Variants in TMEM181 observed in about 807,000 individuals in gnomAD.
TMEM181 encodes the protein G protein-coupled receptor 178.
In TMEM181, 39 loss-of-function variants were observed where a neutral mutation model predicts 71.9. That is an observed-to-expected ratio of 0.54 (90% CI 0.42 to 0.71). The LOEUF is 0.71. Ranked by LOEUF, TMEM181 falls within the 30% of genes least tolerant of loss-of-function variation. TMEM181 has a pLI of 0.00. For missense variants in TMEM181, 595 were observed against 583.0 expected, an observed-to-expected ratio of 1.02 and a Z score of -0.21; for synonymous variants, 245 against 228.8, an observed-to-expected ratio of 1.07 and a Z score of -0.64.
At chr6:158,537,686 C>T (rs1471608128) in intron 1 of TMEM181, among the ~76,000 whole-genome samples, 2 of 152,222 alleles carry the variant, frequency 1.3e-5, no homozygotes, top group African/African-American at 2.4e-5. Context: ...CCTTCCCCAT[C>T]TGTTAAATGG....
At chr6:158,627,157 C>T (rs16900887) in intron 13 of TMEM181, among the ~76,000 whole-genome samples, 2,714 of 151,600 alleles carry the variant, frequency 0.018, 55 homozygotes, top group East Asian at 0.094. Context: ...CCCTCACTGT[C>T]ACACATCCTC....
intron 3 of TMEM181, among the ~76,000 whole-genome samples, chr6:158,583,717 G>T (rs1010028184): frequency 6.6e-6 from 1 of 151,872 alleles, no homozygotes; most frequent in East Asian, 1.9e-4. Context: ...GGAGAATGGC[G>T]TGAACCCAGG....
chr6:158,539,018 T>C (rs1416151377), intron 1 of TMEM181, among the ~76,000 whole-genome samples: 1 of 152,210 alleles, frequency 6.6e-6, no homozygotes, highest in African/African-American at 2.4e-5. Flanking sequence ...GGGACTGCAG[T>C]GTGAAGCCAC....
chr6:158,585,361 A>T lies in TMEM181; in HGVS notation c.317A>T (p.Asp106Val). The part of the protein sequence containing the change: ...MTVKVDGVAQ[D>V]GTTMYIHNKV... ...GTTAAAGTCGATGGTGTAGCTCAAG[A>T]TGGAACCACGATGTACATTCATAAC... The change falls in exon 5 of 17, where the codon GAT (aspartate) becomes GTT (valine). Residue 106 changes from aspartate (D) to valine (V), a missense_variant. Asp to Val is a radical substitution (Grantham distance 152). Coordinates refer to ENST00000684151, the MANE Select transcript of TMEM181 (RefSeq NM_001376852.1). The T allele has an allele frequency of 2.5e-6, 4 of 1,612,408 alleles. No individual in the cohort carries two copies. The highest frequency in any genetic ancestry group is 3.4e-6 in the Non-Finnish European group (4 of 1,179,728).
At chr6:158,554,366 G>C (rs973811678) in intron 1 of TMEM181, among the ~76,000 whole-genome samples, 1 of 152,092 alleles carries the variant, frequency 6.6e-6, no homozygotes, top group African/African-American at 2.4e-5. Context: ...GATTACAGGC[G>C]TGAGCCACCG....
intron 13 of TMEM181, among the ~76,000 whole-genome samples, chr6:158,626,944 A>G (rs1786330196): frequency 8.2e-6 from 1 of 121,282 alleles, no homozygotes; most frequent in Non-Finnish European, 1.7e-5. Context: ...TCTCACCCTC[A>G]CCCTCACCCT....
At chr6:158,597,541 C>G (rs188989253) in intron 6 of TMEM181, among the ~76,000 whole-genome samples, 1 of 152,106 alleles carries the variant, frequency 6.6e-6, no homozygotes, top group Non-Finnish European at 1.5e-5. Flanking sequence ...TGCTCTGTCA[C>G]TCAATCTAGA....
intron 1 of TMEM181, chr6:158,572,584 C>G: frequency 4.9e-6 from 2 of 412,224 alleles, no homozygotes; most frequent in South Asian, 3.5e-5. Context: ...AGAAGTAGAG[C>G]TGTGCCTTGC....
chr6:158,622,751 A>G (rs1786037200), intron 10 of TMEM181, among the ~76,000 whole-genome samples: 2 of 152,332 alleles, frequency 1.3e-5, no homozygotes, highest in South Asian at 2.1e-4. Context: ...AGAATCCACA[A>G]TTCTACTGGT....
chr6:158,577,061 C>CAAA (rs5881280), intron 2 of TMEM181, among the ~76,000 whole-genome samples: 12 of 76,012 alleles, frequency 1.6e-4, no homozygotes, highest in African/African-American at 4.3e-4. Flanking sequence ...GACTCCATCT[C>CAAA]AAAAAAAAAA....
At chr6:158,613,181 G>A (rs1404558563) in intron 10 of TMEM181, among the ~76,000 whole-genome samples, 2 of 152,084 alleles carry the variant, frequency 1.3e-5, no homozygotes, top group Non-Finnish European at 2.9e-5. Flanking sequence ...TTAAACTGTC[G>A]AAAACCATAA....
In TMEM181 at chr6:158,608,689, C is replaced by T. The variant is rs770948308; in HGVS notation, c.835C>T (p.Pro279Ser). 6 of 1,611,846 alleles carry T rather than the reference C, an allele frequency of 3.7e-6. No individual in the cohort carries two copies. The South Asian group carries it at 5.5e-5, about 15-fold the overall frequency. Residue 279 changes from proline to serine, a missense_variant, in exon 10 of 17, where the codon CCT becomes TCT. Physicochemically the swap from Pro to Ser is moderately conservative, Grantham distance 74 (BLOSUM62 -1). Transcript: ENST00000684151. Reference protein sequence around the residue: ...GERKCLTFYLPKFFIVGLLWL... With the variant: ...GERKCLTFYLSKFFIVGLLWL... Reference sequence around the variant, plus strand: ...AAGAAAGTGTTTAACTTTCTATTTGCCTAAATTCTTCATTGTTGGACTATT... The same window carrying T: ...AAGAAAGTGTTTAACTTTCTATTTGTCTAAATTCTTCATTGTTGGACTATT...
intron 10 of TMEM181, among the ~76,000 whole-genome samples, chr6:158,617,549 A>G (rs1052676653): frequency 1.3e-5 from 2 of 151,932 alleles, no homozygotes; most frequent in African/African-American, 4.8e-5. Flanking sequence ...TTGCTTCTCT[A>G]GTTCTTTTAA....
intron 10 of TMEM181, among the ~76,000 whole-genome samples, chr6:158,621,890 C>T (rs748409286): frequency 5.3e-4 from 80 of 152,164 alleles, no homozygotes; most frequent in Non-Finnish European, 8.8e-4. Context: ...AAAGCGCTTC[C>T]GAAGACCACA....
At chr6:158,626,934 T>TCTCACCCTCACC (rs55927745) in intron 13 of TMEM181, among the ~76,000 whole-genome samples, 14 of 81,066 alleles carry the variant, frequency 1.7e-4, no homozygotes, top group East Asian at 8.6e-4. Flanking sequence ...TCACCCTCAT[T>TCTCACCCTCACC]CTCACCCTCA....
intron 1 of TMEM181, among the ~76,000 whole-genome samples, chr6:158,564,227 G>A (rs1287107235): frequency 6.6e-6 from 1 of 152,174 alleles, no homozygotes; most frequent in Non-Finnish European, 1.5e-5. Flanking sequence ...TTTAGTGAGG[G>A]GCCAAACAGT....
chr6:158,539,806 C>G (rs1025405457), intron 1 of TMEM181, among the ~76,000 whole-genome samples: 5 of 152,226 alleles, frequency 3.3e-5, no homozygotes, highest in Non-Finnish European at 5.9e-5. Flanking sequence ...AATCCTGGTT[C>G]TAGCCCCAGT....
At chr6:158,543,801 G>C (rs1338687784) in intron 1 of TMEM181, among the ~76,000 whole-genome samples, 1 of 152,212 alleles carries the variant, frequency 6.6e-6, no homozygotes, top group African/African-American at 2.4e-5. Context: ...CTGGGGGTTA[G>C]GACTTCAGCA....
chr6:158,631,066 A>G (rs1043500795), intron 15 of TMEM181, among the ~76,000 whole-genome samples: 1 of 152,208 alleles, frequency 6.6e-6, no homozygotes, highest in African/African-American at 2.4e-5. Context: ...TGCGTGGGCA[A>G]TGGCAGCCTG....
Sources: gnomAD v4.1 joint callset for allele counts (sites outside exome capture counted in the v4.1 genomes callset) on GRCh38, gnomAD v4.1.1 for gene constraint, MANE v1.5 for transcripts, NCBI Gene and HGNC (gene_info 2026-07-23, HGNC 2026-07-21) for gene names.